The following ZNF532 variants were observed in gnomAD, a reference collection of about 807,000 sequenced individuals.
ZNF532 encodes the protein zinc finger protein 532.
ZNF532 carries 22 observed loss-of-function variants against 89.3 expected under a neutral mutation model. That is an observed-to-expected ratio of 0.25 (90% CI 0.18 to 0.35). The LOEUF (loss-of-function observed/expected upper bound fraction) is 0.35. Ranked by LOEUF, ZNF532 falls within the 10% of genes least tolerant of loss-of-function variation. The probability of loss-of-function intolerance (pLI) is 1.00; values close to 1 mark genes in which losing one functional copy is unlikely to be tolerated. For missense variants in ZNF532, 1,132 were observed against 1,643.4 expected, an observed-to-expected ratio of 0.69 and a Z score of 5.38; for synonymous variants, 606 against 649.6, an observed-to-expected ratio of 0.93 and a Z score of 1.02.
chr18:58,962,607 CTT>C (rs566874390), intron 7 of ZNF532, among the ~76,000 whole-genome samples: 5 of 143,628 alleles, frequency 3.5e-5, no homozygotes, highest in African/African-American at 2.5e-5. Flanking sequence ...CCCTGGCATT[CTT>C]TTTTTTTTTT....
chr18:58,919,137 T>C lies in ZNF532; in HGVS notation c.850T>C (p.Ser284Pro). 3.7e-6 allele frequency: 6 copies of C among 1,614,202 alleles called. No homozygotes were observed. The highest frequency in any genetic ancestry group is 5.1e-6 in the Non-Finnish European group (6 of 1,180,026). Residue 284 changes from serine to proline, a missense_variant, in exon 3 of 10, where the codon TCA becomes CCA. By Grantham distance (74) the Ser-to-Pro change is moderately conservative. Coordinates refer to ENST00000591808, the MANE Select transcript of ZNF532 (RefSeq NM_001375912.1). The surrounding 1 kb of genome is among the most constrained non-coding windows in gnomAD (Gnocchi z 6.1). ...IAALSAKKAASDSCKEPVANS... is the reference protein window; with the variant it reads ...IAALSAKKAAPDSCKEPVANS... Reference sequence around the variant, plus strand: ...GGCTCTCAGCGCTAAAAAGGCGGCTTCAGACTCCTGCAAAGAACCAGTGGC... The same window carrying C: ...GGCTCTCAGCGCTAAAAAGGCGGCTCCAGACTCCTGCAAAGAACCAGTGGC...
At chr18:58,874,748 C>T (rs938274525) in intron 2 of ZNF532, among the ~76,000 whole-genome samples, 3 of 152,248 alleles carry the variant, frequency 2.0e-5, no homozygotes, top group Admixed American at 2.0e-4. Context: ...TTACGTTGAC[C>T]AAAGTTTAAA....
rs1333601940 is a variant in ZNF532, at chr18:58,919,129, A to AG, written c.844dup (p.Ala282GlyfsTer25). On this transcript the variant is annotated frameshift_variant, in exon 3 of 10. Coordinates refer to ENST00000591808, the MANE Select transcript of ZNF532 (RefSeq NM_001375912.1). LOFTEE classifies it high-confidence loss of function. The surrounding 1 kb of genome is among the most constrained non-coding windows in gnomAD (Gnocchi z 6.1). ...GCCATCGCGGCTCTCAGCGCTAAAA[A>AG]GGCGGCTTCAGACTCCTGCAAAGAA... 6.2e-7 allele frequency: 1 copy of AG among 1,614,104 alleles called. No individual in the cohort carries two copies. The highest frequency in any genetic ancestry group is 1.3e-5 in the African/African-American group (1 of 74,930).
intron 7 of ZNF532, among the ~76,000 whole-genome samples, chr18:58,955,799 C>G (rs1603289672): frequency 6.6e-6 from 1 of 152,188 alleles, no homozygotes; most frequent in South Asian, 2.1e-4. Flanking sequence ...TCAGGCTTTC[C>G]TACTAGCATT....
intron 2 of ZNF532, among the ~76,000 whole-genome samples, chr18:58,880,453 T>C (rs2057790528): frequency 6.6e-6 from 1 of 152,224 alleles, no homozygotes; most frequent in Non-Finnish European, 1.5e-5. Context: ...CGGATCTTTC[T>C]CACCCTGAAG....
chr18:58,976,579 C>G (rs1167475181), intron 7 of ZNF532, among the ~76,000 whole-genome samples: 1 of 151,694 alleles, frequency 6.6e-6, no homozygotes, highest in Non-Finnish European at 1.5e-5. Context: ...GAGCCTTGCT[C>G]TGTCTCACAG....
intron 2 of ZNF532, among the ~76,000 whole-genome samples, chr18:58,900,934 A>C (rs1011192824): frequency 1.4e-4 from 22 of 152,124 alleles, no homozygotes; most frequent in Admixed American, 1.4e-3. Flanking sequence ...TGCCTATTTA[A>C]ATTAAAAAAA....
At chr18:58,929,783 T>C (rs533316415) in intron 3 of ZNF532, among the ~76,000 whole-genome samples, 19 of 152,356 alleles carry the variant, frequency 1.2e-4, no homozygotes, top group Middle Eastern at 3.4e-3. Flanking sequence ...ATAAAGCCAT[T>C]TCTGCTGTAT....
At chr18:58,883,474 G>C (rs549201730) in intron 2 of ZNF532, among the ~76,000 whole-genome samples, 1 of 152,242 alleles carries the variant, frequency 6.6e-6, no homozygotes, top group African/African-American at 2.4e-5. Flanking sequence ...TAATGGGAGA[G>C]GGCCAGGGTC....
At chr18:58,965,358 GGAAAT>G (rs2065818445) in intron 7 of ZNF532, among the ~76,000 whole-genome samples, 1 of 152,214 alleles carries the variant, frequency 6.6e-6, no homozygotes, top group Non-Finnish European at 1.5e-5. Context: ...TTTTAGGTGA[GGAAAT>G]GAAGCCTGAG....
intron 2 of ZNF532, among the ~76,000 whole-genome samples, chr18:58,889,422 G>T (rs1224051918): frequency 6.6e-6 from 1 of 152,178 alleles, no homozygotes; most frequent in Non-Finnish European, 1.5e-5. Context: ...GTAAAATACA[G>T]TTAGTAAGAA....
chr18:58,923,574 T>C (rs1444178277), intron 3 of ZNF532, among the ~76,000 whole-genome samples: 4 of 152,032 alleles, frequency 2.6e-5, no homozygotes, highest in Non-Finnish European at 5.9e-5. Flanking sequence ...CCTGGGGTGC[T>C]ATCCAGCAGC....
intron 7 of ZNF532, among the ~76,000 whole-genome samples, chr18:58,963,821 C>CAAAA (rs58734985): frequency 1.1e-4 from 9 of 82,736 alleles, no homozygotes; most frequent in African/African-American, 1.6e-4. Flanking sequence ...GACCCTGTCT[C>CAAAA]AAAAAAAAAA....
At chr18:58,976,625 G>A (rs1892035520) in intron 7 of ZNF532, among the ~76,000 whole-genome samples, 1 of 151,696 alleles carries the variant, frequency 6.6e-6, no homozygotes, top group African/African-American at 2.4e-5. Flanking sequence ...TCGGCTCACT[G>A]CAACCACTGC....
rs1177410851 is a variant in ZNF532, at chr18:58,865,171, T to A, written c.-342T>A. The stretch of plus-strand genomic sequence containing the variant: ...ATGTGCCTTGCTAGGGTGGGGACAC[T>A]TGGTTGATGCAGTCTCTCTCTCTCT... On this transcript the variant is annotated 5_prime_UTR_variant, in exon 1 of 10. In the 5' UTR this introduces an upstream ATG that the reference lacks. Transcript: ENST00000591808. 1 of 151,862 alleles carries A rather than the reference T, an allele frequency of 6.6e-6. No individual in the cohort carries two copies. Among genetic ancestry groups the A allele is most frequent in the Non-Finnish European group, 1.5e-5 (1 of 67,992 alleles). The allele number at this position is 151,862 out of a possible 1,614,324, so 9.4% of individuals were successfully genotyped here.
At position 58,984,266 on chromosome 18, in the gene ZNF532, A is replaced by G; in HGVS notation, c.3706A>G (p.Lys1236Glu). ...GTTAAAGGAACCTCAGCCAGTGTCC[A>G]AGCAAAATGGGGCTGGGGAAGATAA... ...HKLKEPQPVSKQNGAGEDNQQ... is the reference protein window; with the variant it reads ...HKLKEPQPVSEQNGAGEDNQQ... The change falls in exon 10 of 10, where the codon AAG becomes GAG. Residue 1236 changes from lysine (K) to glutamate (E), a missense_variant. By Grantham distance (56) the Lys-to-Glu change is moderately conservative (BLOSUM62 1). This residue lies in a region of ZNF532 where 415 missense variants were observed against 604.8 expected (regional missense o/e 0.69). Transcript: ENST00000591808. 6.2e-7 allele frequency: 1 copy of G among 1,611,998 alleles called. No individual in the cohort carries two copies. The highest frequency in any genetic ancestry group is 8.5e-7 in the Non-Finnish European group (1 of 1,179,854).
At chr18:58,866,851 T>C (rs1350305226) in intron 2 of ZNF532, among the ~76,000 whole-genome samples, 1 of 152,232 alleles carries the variant, frequency 6.6e-6, no homozygotes, top group Non-Finnish European at 1.5e-5. Context: ...CTTTATGGAG[T>C]ATTTAATAGA....
At chr18:58,921,954 A>G (rs896405719) in intron 3 of ZNF532, among the ~76,000 whole-genome samples, 4 of 152,008 alleles carry the variant, frequency 2.6e-5, no homozygotes, top group African/African-American at 9.7e-5. Flanking sequence ...AAAAATACCA[A>G]ACATTAGCCG....
chr18:58,896,181 T>C (rs576164281), intron 2 of ZNF532, among the ~76,000 whole-genome samples: 47 of 152,180 alleles, frequency 3.1e-4, no homozygotes, highest in Non-Finnish European at 6.0e-4. Flanking sequence ...CTTTCTTCCC[T>C]GTTAAATCTA....
Sources: allele counts gnomAD v4.1 joint callset (sites outside exome capture counted in the v4.1 genomes callset), GRCh38; gene constraint gnomAD v4.1.1; regional missense constraint gnomAD v4.1.1; non-coding constraint Gnocchi (gnomAD v3.1); transcripts MANE v1.5; gene names NCBI Gene and HGNC (gene_info 2026-07-23, HGNC 2026-07-21).